The following SPSB4 variants were observed in gnomAD, a reference collection of about 807,000 sequenced individuals.
SPSB4 encodes the protein SPRY domain-containing SOCS box protein 4.
In SPSB4, 21 loss-of-function variants were observed where a neutral mutation model predicts 20.9. The observed-to-expected ratio is 1.01, with a 90% CI of 0.71 to 1.45. The LOEUF (loss-of-function observed/expected upper bound fraction) is 1.45. SPSB4 is among the 40% of genes most tolerant of loss of function. SPSB4 has a pLI of 0.00. For missense variants in SPSB4, 399 were observed against 399.2 expected (o/e 1.00, Z 0.00); for synonymous variants, 207 against 183.8 (o/e 1.13, Z -1.02).
intron 2 of SPSB4, among the ~76,000 whole-genome samples, chr3:141,141,089 T>C (rs1328075259): frequency 6.6e-6 from 1 of 152,222 alleles, no homozygotes; most frequent in Non-Finnish European, 1.5e-5. Flanking sequence ...ACTGCTGTGC[T>C]AGCAATGAGT....
At chr3:141,134,445 T>G (rs7426753) in intron 2 of SPSB4, among the ~76,000 whole-genome samples, 1 of 152,160 alleles carries the variant, frequency 6.6e-6, no homozygotes, top group Non-Finnish European at 1.5e-5. Context: ...AGTTTAATGT[T>G]GGCATGGGTC....
chr3:141,141,050 C>A (rs994466471), intron 2 of SPSB4, among the ~76,000 whole-genome samples: 7 of 152,258 alleles, frequency 4.6e-5, no homozygotes, highest in African/African-American at 1.7e-4. Context: ...CTCCCCCAGC[C>A]TCGCTGCCGC....
chr3:141,081,957 A>G (rs1318343686), intron 2 of SPSB4, among the ~76,000 whole-genome samples: 1 of 152,014 alleles, frequency 6.6e-6, no homozygotes, highest in African/African-American at 2.4e-5. Flanking sequence ...TGTCTTTCTG[A>G]TGGGGCTGTA....
chr3:141,098,230 T>A (rs1359061902), intron 2 of SPSB4, among the ~76,000 whole-genome samples: 1 of 152,262 alleles, frequency 6.6e-6, no homozygotes, highest in African/African-American at 2.4e-5. Context: ...CCCACCTTAC[T>A]CCTCTTTGTT....
chr3:141,123,905 A>G (rs2107802300), intron 2 of SPSB4, among the ~76,000 whole-genome samples: 1 of 152,326 alleles, frequency 6.6e-6, no homozygotes, highest in Non-Finnish European at 1.5e-5. Context: ...GGCAGGTTCC[A>G]AGTTAAACAC....
At chr3:141,110,861 T>C (rs1186113979) in intron 2 of SPSB4, among the ~76,000 whole-genome samples, 4 of 152,214 alleles carry the variant, frequency 2.6e-5, no homozygotes, top group African/African-American at 7.2e-5. Flanking sequence ...AACAACCACA[T>C]TGACCTCCAC....
chr3:141,058,189 G>A (rs1438184728), intron 1 of SPSB4, among the ~76,000 whole-genome samples: 1 of 151,816 alleles, frequency 6.6e-6, no homozygotes, highest in African/African-American at 2.4e-5. Flanking sequence ...CTGTGATTTT[G>A]GGTCCCAGGC....
chr3:141,130,938 C>T (rs1184655586), intron 2 of SPSB4, among the ~76,000 whole-genome samples: 1 of 152,214 alleles, frequency 6.6e-6, no homozygotes, highest in Non-Finnish European at 1.5e-5. Flanking sequence ...ACCAGACATC[C>T]ATCCCTGGCT....
At chr3:141,074,508 T>G (rs1938065503) in intron 2 of SPSB4, among the ~76,000 whole-genome samples, 1 of 152,234 alleles carries the variant, frequency 6.6e-6, no homozygotes, top group Non-Finnish European at 1.5e-5. Context: ...GGTCTTGGAC[T>G]CGTTTCTCTC....
At chr3:141,076,881 G>C (rs1938121290) in intron 2 of SPSB4, 1 of 152,250 alleles carries the variant, frequency 6.6e-6, no homozygotes, top group African/African-American at 2.4e-5. Context: ...CATTCACTCT[G>C]AACTCTTCTG....
At chr3:141,058,288 C>T (rs527345826) in intron 1 of SPSB4, among the ~76,000 whole-genome samples, 6 of 152,190 alleles carry the variant, frequency 3.9e-5, no homozygotes, top group Non-Finnish European at 5.9e-5. Context: ...ATTTCCCTGT[C>T]GGGTAGGAAC....
chr3:141,071,530 T>C lies in SPSB4; in HGVS notation c.694+4732T>C, dbSNP rs73234856. ...AAGTCATGAGGCAATGTGGCTGTTA[T>C]TATCCCCATTTTATAGATGAGGAAA... On this transcript the variant is annotated intron_variant, in intron 2 of 2. Coordinates refer to ENST00000310546, the MANE Select transcript of SPSB4 (RefSeq NM_080862.3). Among the ~76,000 whole-genome samples, 1,162 of 152,312 alleles carry C rather than the reference T, an allele frequency of 7.6e-3. 4 individuals carry two copies. The highest frequency in any genetic ancestry group is 0.013 in the Non-Finnish European group (859 of 68,014).
At chr3:141,070,603 T>C (rs1035313900) in intron 2 of SPSB4, among the ~76,000 whole-genome samples, 2 of 152,210 alleles carry the variant, frequency 1.3e-5, no homozygotes, top group Non-Finnish European at 2.9e-5. Flanking sequence ...GGTCTTGAAT[T>C]CCTGGCCTCA....
intron 2 of SPSB4, among the ~76,000 whole-genome samples, chr3:141,097,345 T>C (rs900613532): frequency 1.3e-5 from 2 of 152,260 alleles, no homozygotes; most frequent in Non-Finnish European, 2.9e-5. Flanking sequence ...GCTTTCAAAC[T>C]ACAGAAACTG....
chr3:141,138,852 C>T (rs543465828), intron 2 of SPSB4, among the ~76,000 whole-genome samples: 128 of 152,126 alleles, frequency 8.4e-4, no homozygotes, highest in Admixed American at 6.5e-4. Context: ...CTATTAGGTC[C>T]GCTTGGTGCA....
chr3:141,111,528 G>T (rs77758011), intron 2 of SPSB4, among the ~76,000 whole-genome samples: 1 of 151,970 alleles, frequency 6.6e-6, no homozygotes, highest in Non-Finnish European at 1.5e-5. Context: ...AGATTGAACT[G>T]TTGAGGCAGG....
chr3:141,077,006 C>T (rs933807260), intron 2 of SPSB4: 3 of 152,232 alleles, frequency 2.0e-5, no homozygotes, highest in Non-Finnish European at 2.9e-5. Context: ...CCCTGCCAGG[C>T]TGGCGGCAGC....
chr3:141,141,467 T>G (rs1197673889), intron 2 of SPSB4, among the ~76,000 whole-genome samples: 1 of 152,224 alleles, frequency 6.6e-6, no homozygotes, highest in South Asian at 2.1e-4. Flanking sequence ...TCGGCCATCT[T>G]GGCTCCACCC....
chr3:141,108,578 G>A (rs914197357), intron 2 of SPSB4, among the ~76,000 whole-genome samples: 2 of 152,236 alleles, frequency 1.3e-5, no homozygotes, highest in Non-Finnish European at 2.9e-5. Flanking sequence ...GCAGCATTCT[G>A]TGCTAGGTCC....
Sources: gnomAD v4.1 joint callset for allele counts (sites outside exome capture counted in the v4.1 genomes callset) on GRCh38, gnomAD v4.1.1 for gene constraint, MANE v1.5 for transcripts, NCBI Gene and HGNC (gene_info 2026-07-23, HGNC 2026-07-21) for gene names.